SNAP47: variants seen among roughly 807,000 people sequenced by gnomAD.
The protein encoded by SNAP47 is synaptosomal-associated protein 47.
SNAP47 carries 20 observed loss-of-function variants against 31.4 expected under a neutral mutation model. The ratio of observed to expected loss-of-function variants is 0.64; its 90% CI spans 0.45 to 0.93. The LOEUF is 0.93. Among genes scored for constraint, SNAP47 ranks in the 40% least tolerant of loss-of-function variants. SNAP47 has a pLI of 0.00. For synonymous variants in SNAP47, 194 were observed against 213.4 expected, an observed-to-expected ratio of 0.91 and a Z score of 0.79; for missense variants, 492 against 528.5, an observed-to-expected ratio of 0.93 and a Z score of 0.68.
At chr1:227,761,478 G>A (rs1470851742) in intron 3 of SNAP47, among the ~76,000 whole-genome samples, 2 of 152,184 alleles carry the variant, frequency 1.3e-5, no homozygotes, top group Non-Finnish European at 2.9e-5. Context: ...GGAGCATGTG[G>A]TGTGAAATGT....
intron 4 of SNAP47, among the ~76,000 whole-genome samples, chr1:227,772,641 C>T (rs61826977): frequency 0.019 from 2,819 of 152,220 alleles, 32 homozygotes; most frequent in Non-Finnish European, 0.028. Flanking sequence ...CTCTAAGACC[C>T]CTAGATCATA....
upstream of SNAP47, chr1:227,734,026 A>G (rs895851732): frequency 1.9e-6 from 3 of 1,613,108 alleles, no homozygotes; most frequent in Non-Finnish European, 2.5e-6. Flanking sequence ...CCTCCACCGG[A>G]AAGTCCCTGT....
chr1:227,748,794 C>T (rs1205460221), intron 2 of SNAP47, among the ~76,000 whole-genome samples: 1 of 152,226 alleles, frequency 6.6e-6, no homozygotes, highest in Middle Eastern at 3.2e-3. Context: ...GAGGTGTCTC[C>T]TGTCAGCATT....
At chr1:227,737,380 G>A (rs902904662) in intron 1 of SNAP47, among the ~76,000 whole-genome samples, 1 of 152,336 alleles carries the variant, frequency 6.6e-6, no homozygotes, top group Non-Finnish European at 1.5e-5. Context: ...ATGAGAGGCA[G>A]CTTGTGCTGG....
intron 4 of SNAP47, chr1:227,776,293 CA>C: frequency 1.0e-6 from 1 of 998,676 alleles, no homozygotes; most frequent in South Asian, 4.5e-5. Flanking sequence ...TACTGTCCTT[CA>C]AGCACTCCTT....
intron 4 of SNAP47, chr1:227,776,734 A>G (rs1159126974): frequency 1.0e-6 from 1 of 985,366 alleles, no homozygotes; most frequent in Non-Finnish European, 1.2e-6. Context: ...AGGTTCGCTC[A>G]GGAATGTTCT....
At chr1:227,750,689 A>C (rs536918932) in intron 2 of SNAP47, among the ~76,000 whole-genome samples, 9 of 152,346 alleles carry the variant, frequency 5.9e-5, no homozygotes, top group African/African-American at 2.2e-4. Context: ...GGATATTCGC[A>C]GAGGACTGAG....
chr1:227,740,505 A>G (rs1449217736), intron 1 of SNAP47, among the ~76,000 whole-genome samples: 2 of 152,148 alleles, frequency 1.3e-5, no homozygotes, highest in African/African-American at 4.8e-5. Context: ...GTGGAAAGTA[A>G]CTAAAAGTAG....
chr1:227,777,931 A>C (rs1664255970), intron 4 of SNAP47, among the ~76,000 whole-genome samples: 1 of 152,202 alleles, frequency 6.6e-6, no homozygotes, highest in African/African-American at 2.4e-5. Context: ...GGGGCAGGTC[A>C]CCCTCTCTGT....
upstream of SNAP47, chr1:227,732,769 A>T: frequency 1.3e-6 from 2 of 1,590,230 alleles, no homozygotes; most frequent in Non-Finnish European, 1.7e-6. Flanking sequence ...AGGACGAAGA[A>T]GGGACCATTA....
chr1:227,777,781 T>A (rs529714753), intron 4 of SNAP47, among the ~76,000 whole-genome samples: 1 of 152,276 alleles, frequency 6.6e-6, no homozygotes, highest in East Asian at 1.9e-4. Context: ...CCAGAGCAGG[T>A]CCTGGCCCAG....
At chr1:227,735,277 G>C (rs749679395), upstream of SNAP47, 10 of 1,606,514 alleles carry the variant, frequency 6.2e-6, no homozygotes, top group African/African-American at 9.4e-5. Flanking sequence ...GGTCCATCCA[G>C]CTCAGCACGG....
intron 4 of SNAP47, chr1:227,776,017 G>T: frequency 1.6e-6 from 2 of 1,213,078 alleles, no homozygotes; most frequent in Non-Finnish European, 2.1e-6. Flanking sequence ...TATCCTGGGG[G>T]ACCATGGCCA....
At chr1:227,764,818 C>A (rs957840371) in intron 3 of SNAP47, among the ~76,000 whole-genome samples, 4 of 152,080 alleles carry the variant, frequency 2.6e-5, no homozygotes, top group Non-Finnish European at 5.9e-5. Context: ...GCAGGAGAAT[C>A]CCTTGAACCT....
intron 4 of SNAP47, among the ~76,000 whole-genome samples, chr1:227,775,017 G>A (rs894951149): frequency 6.6e-6 from 1 of 152,230 alleles, no homozygotes; most frequent in Non-Finnish European, 1.5e-5. Flanking sequence ...TCTGAGCAGC[G>A]AGGCCGCCGT....
rs150862440 is a variant in SNAP47, at chr1:227,770,118, G to A, written c.1113+3035G>A. On this transcript the variant is annotated intron_variant, in intron 4 of 4. Transcript: ENST00000617596. Reference sequence around the variant, plus strand: ...CCTGTGGGCACAGGTCCCAGGGGTTGCTTGGGTGACGCCTCAGCCTCCTGC... The same window carrying A: ...CCTGTGGGCACAGGTCCCAGGGGTTACTTGGGTGACGCCTCAGCCTCCTGC... Among the ~76,000 whole-genome samples the A allele has an allele frequency of 2.2e-3, 339 of 152,356 alleles. 1 individual carries two copies. Among genetic ancestry groups the A allele is most frequent in the Non-Finnish European group, 3.6e-3 (247 of 68,032 alleles).
rs1306833882 is a variant in SNAP47, at chr1:227,758,983, T to G, written c.498-12T>G. ...ACTGATCCAGTTTTCCATGTTTTGT[T>G]TGCTTTTTCAGATTGCTGACAGAAC... On this transcript the variant is annotated splice_polypyrimidine_tract_variant and intron_variant, in intron 2 of 4. Transcript: ENST00000617596. The G allele has an allele frequency of 6.4e-7, 1 of 1,563,208 alleles. No homozygotes were observed. The highest frequency in any genetic ancestry group is 1.2e-5 in the South Asian group (1 of 83,558).
upstream of SNAP47, chr1:227,731,799 T>C (rs61826976): frequency 0.067 from 10,561 of 157,824 alleles, 486 homozygotes; most frequent in Non-Finnish European, 0.1. Context: ...CCTCTCCAGC[T>C]GTCCACAGGC....
upstream of SNAP47, chr1:227,733,184 T>G (rs1660788933): frequency 1.4e-5 from 13 of 943,302 alleles, no homozygotes; most frequent in South Asian, 2.0e-4. Context: ...GGGAAGTGGG[T>G]GGCGGGCTCG....
Sources: allele counts gnomAD v4.1 joint callset (sites outside exome capture counted in the v4.1 genomes callset), GRCh38; gene constraint gnomAD v4.1.1; transcripts MANE v1.5; gene names NCBI Gene and HGNC (gene_info 2026-07-23, HGNC 2026-07-21).